LRMDA: variants seen among roughly 807,000 people sequenced by gnomAD.
LRMDA encodes the protein leucine-rich melanocyte differentiation-associated protein.
A neutral mutation model predicts 29.8 loss-of-function variants in LRMDA; 18 were observed. The observed-to-expected ratio is 0.60, with a 90% CI of 0.42 to 0.90. The LOEUF is 0.90. LRMDA is among the 40% of genes least tolerant of loss of function. The pLI, the probability that LRMDA is intolerant of heterozygous loss-of-function variation, is 0.00. For missense variants in LRMDA, 273 were observed against 273.9 expected, an observed-to-expected ratio of 1.00 and a Z score of 0.02; for synonymous variants, 125 against 109.4, an observed-to-expected ratio of 1.14 and a Z score of -0.89.
intron 5 of LRMDA, among the ~76,000 whole-genome samples, chr10:76,286,599 G>A (rs1444406198): frequency 6.6e-6 from 1 of 152,184 alleles, no homozygotes. Context: ...TTTGTGCAGA[G>A]TAGCTCACTT....
At chr10:76,437,152 G>T (rs1424046555) in intron 6 of LRMDA, among the ~76,000 whole-genome samples, 1 of 152,232 alleles carries the variant, frequency 6.6e-6, no homozygotes, top group Non-Finnish European at 1.5e-5. Flanking sequence ...ACAGCTGGAA[G>T]AAATAGAAGG....
At chr10:76,216,290 A>G (rs140498894) in intron 5 of LRMDA, among the ~76,000 whole-genome samples, 7 of 152,374 alleles carry the variant, frequency 4.6e-5, no homozygotes, top group Non-Finnish European at 8.8e-5. Context: ...CAGTAGTTTC[A>G]GGTTACAGTG....
chr10:75,682,402 G>A (rs144098323), intron 2 of LRMDA, among the ~76,000 whole-genome samples: 183 of 152,036 alleles, frequency 1.2e-3, no homozygotes, highest in Middle Eastern at 3.4e-3. Flanking sequence ...CTCTTAAGGA[G>A]TTAAAGCAAC....
intron 5 of LRMDA, among the ~76,000 whole-genome samples, chr10:76,203,968 G>T (rs779856421): frequency 2.4e-5 from 3 of 126,238 alleles, no homozygotes; most frequent in Non-Finnish European, 4.8e-5. Context: ...TATTCCATGT[G>T]CCCATCCCAC....
intron 2 of LRMDA, among the ~76,000 whole-genome samples, chr10:75,900,819 T>C (rs1245868014): frequency 6.6e-6 from 1 of 152,148 alleles, no homozygotes; most frequent in East Asian, 1.9e-4. Context: ...TAGAACACTA[T>C]TGCCTGCCAT....
chr10:76,032,220 C>A (rs1316763841), intron 2 of LRMDA, among the ~76,000 whole-genome samples: 1 of 152,162 alleles, frequency 6.6e-6, no homozygotes, highest in Non-Finnish European at 1.5e-5. Flanking sequence ...CTGATTTGTG[C>A]CCACCCAGGA....
At chr10:75,714,483 C>T (rs1205590251) in intron 2 of LRMDA, among the ~76,000 whole-genome samples, 1 of 152,130 alleles carries the variant, frequency 6.6e-6, no homozygotes, top group Non-Finnish European at 1.5e-5. Flanking sequence ...AAAATTTTGA[C>T]AAGTGGTAGA....
chr10:75,475,559 G>C (rs546442163), intron 2 of LRMDA, among the ~76,000 whole-genome samples: 1 of 152,194 alleles, frequency 6.6e-6, no homozygotes, highest in African/African-American at 2.4e-5. Context: ...AGGGCTGATC[G>C]TTGAAGCCCA....
At chr10:76,454,615 G>A (rs1842438800) in intron 6 of LRMDA, among the ~76,000 whole-genome samples, 2 of 145,208 alleles carry the variant, frequency 1.4e-5, no homozygotes, top group East Asian at 2.1e-4. Context: ...TGTTCTCACC[G>A]CCACCCCCCA....
intron 6 of LRMDA, among the ~76,000 whole-genome samples, chr10:76,502,856 T>C (rs1259796299): frequency 6.6e-6 from 1 of 151,858 alleles, no homozygotes; most frequent in African/African-American, 2.4e-5. Context: ...GTTTGATTTC[T>C]TCTTTGCCTA....
At chr10:75,802,641 A>G (rs993837442) in intron 2 of LRMDA, among the ~76,000 whole-genome samples, 1 of 152,160 alleles carries the variant, frequency 6.6e-6, no homozygotes, top group Non-Finnish European at 1.5e-5. Context: ...AATAGCTTCA[A>G]GAACGAAGAA....
rs1299936929 is a variant in LRMDA, at chr10:76,214,350, TTTTTTA to T, written c.517-110049_517-110044del. Reference sequence around the variant, plus strand: ...ACCAAATTTTTTTTTTTTTTTTTTTTTTTTTATGAGACGGAGTCTCCTCTGTCGCCC... The same window carrying T: ...ACCAAATTTTTTTTTTTTTTTTTTTTTGAGACGGAGTCTCCTCTGTCGCCC... On this transcript the variant is annotated intron_variant, in intron 5 of 6. Transcript: ENST00000611255. Among the ~76,000 whole-genome samples, 308 of 136,154 alleles carry T rather than the reference TTTTTTA, an allele frequency of 2.3e-3. 5 individuals carry two copies. Among genetic ancestry groups the T allele is most frequent in the African/African-American group, 8.5e-3 (291 of 34,050 alleles). 89.3% of individuals were successfully genotyped at this position (136,154 alleles called of 152,430 possible). A position where few individuals can be genotyped will look rare whatever the true frequency, so the allele number is the denominator to read the frequency against.
At chr10:76,123,088 T>C (rs748082540) in intron 5 of LRMDA, among the ~76,000 whole-genome samples, 1 of 152,192 alleles carries the variant, frequency 6.6e-6, no homozygotes, top group Admixed American at 6.5e-5. Context: ...TCATTCTCCA[T>C]GCTATCCTCT....
At chr10:76,546,178 A>ATG (rs570533195) in intron 6 of LRMDA, among the ~76,000 whole-genome samples, 2 of 152,202 alleles carry the variant, frequency 1.3e-5, no homozygotes, top group Non-Finnish European at 2.9e-5. Flanking sequence ...TTTAAAAACA[A>ATG]TGTACTGCAT....
chr10:76,188,645 A>C (rs994897009), intron 5 of LRMDA, among the ~76,000 whole-genome samples: 1 of 378 alleles, frequency 2.6e-3, no homozygotes. Context: ...GGGGTTTAGC[A>C]CTCACGTTCT....
chr10:75,553,945 G>T (rs1840184067), intron 2 of LRMDA, among the ~76,000 whole-genome samples: 1 of 152,022 alleles, frequency 6.6e-6, no homozygotes, highest in Non-Finnish European at 1.5e-5. Context: ...TTTCTTGTTA[G>T]CCCATATCCA....
At chr10:76,020,642 G>A (rs1847959424) in intron 2 of LRMDA, among the ~76,000 whole-genome samples, 1 of 152,144 alleles carries the variant, frequency 6.6e-6, no homozygotes, top group Admixed American at 6.5e-5. Context: ...CTGGGTATGG[G>A]GCCTGGAAAG....
intron 5 of LRMDA, among the ~76,000 whole-genome samples, chr10:76,076,886 A>C (rs1848969785): frequency 6.6e-6 from 1 of 152,204 alleles, no homozygotes; most frequent in African/African-American, 2.4e-5. Context: ...GTTAACCTCC[A>C]AAAGTTCCTG....
At chr10:76,514,664 G>C (rs957740304) in intron 6 of LRMDA, among the ~76,000 whole-genome samples, 6 of 152,146 alleles carry the variant, frequency 3.9e-5, no homozygotes, top group Non-Finnish European at 8.8e-5. Context: ...AAGCGAGGGA[G>C]CACACTGGCT....
Sources: gnomAD v4.1 joint callset for allele counts (sites outside exome capture counted in the v4.1 genomes callset) on GRCh38, gnomAD v4.1.1 for gene constraint, MANE v1.5 for transcripts, NCBI Gene and HGNC (gene_info 2026-07-23, HGNC 2026-07-21) for gene names.